The following GRID2 variants were observed in gnomAD, a reference collection of about 807,000 sequenced individuals.
GRID2 encodes glutamate receptor ionotropic, delta-2.
GRID2 carries 33 observed loss-of-function variants against 114.8 expected under a neutral mutation model. That is an observed-to-expected ratio of 0.29 (90% CI 0.22 to 0.38). GRID2 has a LOEUF of 0.38. Among genes scored for constraint, GRID2 ranks in the 10% least tolerant of loss-of-function variants. The pLI is 1.00. For synonymous variants in GRID2, 505 were observed against 449.9 expected, an observed-to-expected ratio of 1.12 and a Z score of -1.55; for missense variants, 1,184 against 1,257.7, an observed-to-expected ratio of 0.94 and a Z score of 0.89.
chr4:93,549,554 A>G lies in GRID2; in HGVS notation c.2193+34143A>G, dbSNP rs1160457694. Among the ~76,000 whole-genome samples, 5 of 152,200 alleles carry G rather than the reference A, an allele frequency of 3.3e-5. No homozygotes were observed. In the East Asian group the frequency reaches 9.6e-4, roughly 29 times the overall value. On this transcript the variant is annotated intron_variant, in intron 13 of 15. Transcript: ENST00000282020. Reference sequence around the variant, plus strand: ...TAATAAGGGAAATGTTCAAAATTCAAATTCAAACTATCAGACTTTAAATAT... The same window carrying G: ...TAATAAGGGAAATGTTCAAAATTCAGATTCAAACTATCAGACTTTAAATAT...
At chr4:93,501,012 A>G (rs190159233) in intron 12 of GRID2, among the ~76,000 whole-genome samples, 1 of 151,924 alleles carries the variant, frequency 6.6e-6, no homozygotes, top group African/African-American at 2.4e-5. Flanking sequence ...CATATTCTTG[A>G]GGGTTGTTTT....
At position 93,581,304 on chromosome 4, in the gene GRID2, A is replaced by G. The variant is rs551215448; in HGVS notation, c.2194-44965A>G. 7.2e-5 allele frequency among the ~76,000 whole-genome samples: 11 copies of G among 152,320 alleles called. No homozygotes were observed. The East Asian group carries it at 2.1e-3, about 29-fold the overall frequency. The stretch of plus-strand genomic sequence containing the variant: ...AAGTCTCACTGAAATGGGGCTTATT[A>G]TAAATGGTTAATTATCCAAAAATCA... On this transcript the variant is annotated intron_variant, in intron 13 of 15. Transcript: ENST00000282020.
At chr4:92,413,288 G>C (rs1177106295) in intron 1 of GRID2, among the ~76,000 whole-genome samples, 1 of 151,930 alleles carries the variant, frequency 6.6e-6, no homozygotes, top group African/African-American at 2.4e-5. Flanking sequence ...TTGTATACAG[G>C]CTTAAAATAA....
chr4:92,935,039 G>A lies in GRID2; in HGVS notation c.245-149956G>A, dbSNP rs1411734815. ...CAACAAAAGCCAAAATTGACAAATG[G>A]GATCTAATTAAACTAAAGAGCTTCT... On this transcript the variant is annotated intron_variant, in intron 2 of 15. Transcript: ENST00000282020. Among the ~76,000 whole-genome samples the A allele has an allele frequency of 1.0e-4, 15 of 146,386 alleles. 2 individuals carry two copies. The highest frequency in any genetic ancestry group is 2.3e-4 in the Non-Finnish European group (15 of 66,162).
intron 14 of GRID2, among the ~76,000 whole-genome samples, chr4:93,735,341 C>G (rs1354522560): frequency 1.3e-5 from 2 of 151,886 alleles, no homozygotes; most frequent in Non-Finnish European, 1.5e-5. Context: ...TGTCATTACC[C>G]CTACCTTCTG....
intron 2 of GRID2, among the ~76,000 whole-genome samples, chr4:92,810,744 G>T (rs956930650): frequency 6.6e-6 from 1 of 151,890 alleles, no homozygotes; most frequent in Non-Finnish European, 1.5e-5. Context: ...AGGAATCAAG[G>T]TTTTAATTTT....
intron 14 of GRID2, among the ~76,000 whole-genome samples, chr4:93,723,855 A>G (rs1729605706): frequency 6.6e-6 from 1 of 152,150 alleles, no homozygotes; most frequent in Admixed American, 6.6e-5. Flanking sequence ...TTATTCTATT[A>G]TTTAGTAAAA....
intron 14 of GRID2, among the ~76,000 whole-genome samples, chr4:93,720,001 T>C (rs1214169111): frequency 6.6e-6 from 1 of 152,196 alleles, no homozygotes; most frequent in Non-Finnish European, 1.5e-5. Flanking sequence ...CCCCACCTTA[T>C]TTTTTGATGA....
chr4:93,683,459 A>G (rs1055898572), intron 14 of GRID2, among the ~76,000 whole-genome samples: 1 of 151,944 alleles, frequency 6.6e-6, no homozygotes, highest in African/African-American at 2.4e-5. Flanking sequence ...ATATTCCTAT[A>G]CTCTGCTTAC....
chr4:93,784,872 A>G (rs1225007771), intron 1 of GRID2, among the ~76,000 whole-genome samples: 3 of 152,192 alleles, frequency 2.0e-5, no homozygotes, highest in African/African-American at 4.8e-5. Context: ...CTATAACTAC[A>G]GTTTAAAATT....
chr4:93,316,054 C>T (rs1756549829), intron 8 of GRID2, among the ~76,000 whole-genome samples: 2 of 151,902 alleles, frequency 1.3e-5, no homozygotes. Context: ...GTGGTGGAGG[C>T]ATACCTGGGT....
intron 12 of GRID2, among the ~76,000 whole-genome samples, chr4:93,497,440 G>A (rs938831693): frequency 6.6e-6 from 1 of 151,712 alleles, no homozygotes; most frequent in Admixed American, 6.6e-5. Flanking sequence ...TCTTCAATAA[G>A]TCCAAGGTCA....
chr4:93,674,182 A>G (rs568171430), intron 14 of GRID2, among the ~76,000 whole-genome samples: 2 of 152,154 alleles, frequency 1.3e-5, no homozygotes, highest in South Asian at 2.1e-4. Flanking sequence ...AATTATATCT[A>G]CCTTAACTCT....
intron 2 of GRID2, among the ~76,000 whole-genome samples, chr4:92,829,631 A>G (rs1452429045): frequency 6.6e-6 from 1 of 152,174 alleles, no homozygotes; most frequent in Non-Finnish European, 1.5e-5. Context: ...ACATATGCAC[A>G]CATATGTTTA....
chr4:92,408,116 A>C (rs1731110178), intron 1 of GRID2, among the ~76,000 whole-genome samples: 1 of 152,096 alleles, frequency 6.6e-6, no homozygotes. Context: ...ATATATGGTG[A>C]GAGGTAGGGT....
chr4:93,509,071 T>C (rs1360743859), intron 12 of GRID2, among the ~76,000 whole-genome samples: 1 of 152,218 alleles, frequency 6.6e-6, no homozygotes, highest in Non-Finnish European at 1.5e-5. Flanking sequence ...CTAAGGAGTT[T>C]AAACTGTTTT....
At chr4:93,314,501 C>CA (rs1357977893) in intron 8 of GRID2, among the ~76,000 whole-genome samples, 1 of 152,016 alleles carries the variant, frequency 6.6e-6, no homozygotes, top group African/African-American at 2.4e-5. Flanking sequence ...ATTCTCTTTA[C>CA]AATTTCATCT....
chr4:93,001,131 T>C (rs1172364526), intron 2 of GRID2, among the ~76,000 whole-genome samples: 2 of 151,682 alleles, frequency 1.3e-5, no homozygotes, highest in Non-Finnish European at 3.0e-5. Flanking sequence ...AATACATGTT[T>C]AATATTACAC....
At chr4:93,512,804 C>T (rs1729326781) in intron 12 of GRID2, among the ~76,000 whole-genome samples, 1 of 152,096 alleles carries the variant, frequency 6.6e-6, no homozygotes, top group African/African-American at 2.4e-5. Flanking sequence ...TGTATTAAAA[C>T]TCTATATTTT....
Sources: gnomAD v4.1 joint callset for allele counts (sites outside exome capture counted in the v4.1 genomes callset) on GRCh38, gnomAD v4.1.1 for gene constraint, MANE v1.5 for transcripts, NCBI Gene and HGNC (gene_info 2026-07-23, HGNC 2026-07-21) for gene names.